Variants in ZNF722 observed in about 807,000 individuals in gnomAD.
The protein encoded by ZNF722 is zinc finger protein 722.
chr7:64,015,535 C>T, the ZNF722 span: 4 of 1,612,850 alleles, frequency 2.5e-6, no homozygotes, highest in Non-Finnish European at 3.4e-6. Context: ...TCAAACCTTA[C>T]TAGACATAAG....
chr7:64,001,197 C>G, the ZNF722 span, among the ~76,000 whole-genome samples: 1 of 152,122 alleles, frequency 6.6e-6, no homozygotes, highest in Admixed American at 6.6e-5. Flanking sequence ...AGGTGGTAAG[C>G]ATAGTATCCA....
the ZNF722 span, among the ~76,000 whole-genome samples, chr7:64,004,425 A>AAAAAAAAAAAATATATATAT: frequency 1.6e-5 from 1 of 61,120 alleles, no homozygotes; most frequent in Non-Finnish European, 2.7e-5. Context: ...AAAAAAAAAA[A>AAAAAAAAAAAATATATATAT]ATATATATAT....
chr7:64,015,799 G>A, the ZNF722 span: 3 of 1,611,104 alleles, frequency 1.9e-6, no homozygotes, highest in African/African-American at 2.7e-5. Flanking sequence ...ACACATAAGA[G>A]AATTCATACT....
At chr7:64,001,807 C>T in the ZNF722 span, among the ~76,000 whole-genome samples, 3 of 151,954 alleles carry the variant, frequency 2.0e-5, no homozygotes, top group East Asian at 1.9e-4. Flanking sequence ...TGAATTATTT[C>T]TTTTTTCTCC....
the ZNF722 span, chr7:64,015,204 C>T: frequency 7.9e-7 from 1 of 1,267,798 alleles, no homozygotes; most frequent in Non-Finnish European, 1.2e-6. Flanking sequence ...TGAAGTTAAG[C>T]AATGTTTGTC....
chr7:64,000,436 CTTT>C, the ZNF722 span, among the ~76,000 whole-genome samples: 66 of 23,662 alleles, frequency 2.8e-3, no homozygotes, highest in African/African-American at 0.012. Context: ...CATGCCCGGC[CTTT>C]TTTTTTTTTT....
chr7:64,002,200 C>T, the ZNF722 span, among the ~76,000 whole-genome samples: 6 of 152,002 alleles, frequency 3.9e-5, no homozygotes, highest in Admixed American at 2.0e-4. Flanking sequence ...ATTTATGTCT[C>T]GACGTTCTTC....
chr7:63,998,891 A>C, the ZNF722 span: 3 of 1,491,724 alleles, frequency 2.0e-6, no homozygotes, highest in African/African-American at 4.3e-5. Flanking sequence ...TCTTTTCTTC[A>C]GGGCTCTGCA....
chr7:64,015,587 T>C, the ZNF722 span: 2 of 1,613,774 alleles, frequency 1.2e-6, no homozygotes, highest in East Asian at 2.2e-5. Context: ...GTGAAGAATG[T>C]GGCCAAGCTT....
the ZNF722 span, chr7:63,998,947 G>A: frequency 1.3e-6 from 2 of 1,574,626 alleles, no homozygotes; most frequent in African/African-American, 1.3e-5. Flanking sequence ...GTGTCCTGCA[G>A]GTATTCGCAG....
At chr7:64,004,425 A>AAAAAAAAAAAATAT in the ZNF722 span, among the ~76,000 whole-genome samples, 4 of 61,116 alleles carry the variant, frequency 6.5e-5, no homozygotes, top group South Asian at 6.1e-4. Flanking sequence ...AAAAAAAAAA[A>AAAAAAAAAAAATAT]ATATATATAT....
chr7:64,012,825 C>T, the ZNF722 span, among the ~76,000 whole-genome samples: 13 of 152,230 alleles, frequency 8.5e-5, no homozygotes, highest in Admixed American at 2.0e-4. Context: ...CTGTTTGCAT[C>T]GTGGAGACAA....
the ZNF722 span, among the ~76,000 whole-genome samples, chr7:64,000,318 G>A: frequency 6.7e-6 from 1 of 149,980 alleles, no homozygotes; most frequent in African/African-American, 2.5e-5. Context: ...TAATAGAGAC[G>A]GAGTTTCTCC....
chr7:64,013,489 T>TAC, the ZNF722 span, among the ~76,000 whole-genome samples: 2 of 152,048 alleles, frequency 1.3e-5, no homozygotes, highest in Admixed American at 6.6e-5. Flanking sequence ...TAAAACCTGT[T>TAC]AAAGTTACAA....
the ZNF722 span, among the ~76,000 whole-genome samples, chr7:64,013,813 G>T: frequency 2.0e-5 from 3 of 151,966 alleles, no homozygotes; most frequent in Admixed American, 6.6e-5. Flanking sequence ...TTTATTTAGG[G>T]TACATGCAGT....
the ZNF722 span, chr7:64,015,545 G>A: frequency 1.2e-6 from 2 of 1,613,442 alleles, no homozygotes; most frequent in Non-Finnish European, 1.7e-6. Context: ...CTAGACATAA[G>A]AGAATTCATA....
At chr7:64,013,186 G>T in the ZNF722 span, among the ~76,000 whole-genome samples, 2 of 151,890 alleles carry the variant, frequency 1.3e-5, no homozygotes, top group Non-Finnish European at 2.9e-5. Context: ...TTTTTTAATT[G>T]ATATTTTATT....
the ZNF722 span, among the ~76,000 whole-genome samples, chr7:64,007,230 G>GTGTATATATATATATATA: frequency 1.2e-4 from 17 of 138,494 alleles, no homozygotes; most frequent in East Asian, 6.2e-4. Context: ...GTTTGTGTGT[G>GTGTATATATATATATATA]TATATATATA....
At chr7:64,002,294 T>G in the ZNF722 span, among the ~76,000 whole-genome samples, 1 of 152,212 alleles carries the variant, frequency 6.6e-6, no homozygotes, top group Admixed American at 6.5e-5. Flanking sequence ...CTTTTAATTG[T>G]AACAATAGAT....
Sources: allele counts gnomAD v4.1 joint callset (sites outside exome capture counted in the v4.1 genomes callset), GRCh38; gene constraint gnomAD v4.1.1; transcripts MANE v1.5; gene names NCBI Gene and HGNC (gene_info 2026-07-23, HGNC 2026-07-21).